SMYD4: variants seen among roughly 807,000 people sequenced by gnomAD.
The protein encoded by SMYD4 is SET and MYND domain containing 4.
SMYD4 carries 68 observed loss-of-function variants against 72.8 expected under a neutral mutation model. That is an observed-to-expected ratio of 0.93 (90% confidence interval 0.77 to 1.14). The LOEUF is 1.14. SMYD4 is among the 50% of genes most tolerant of loss of function. The pLI is 0.00. For synonymous variants in SMYD4, 407 were observed against 388.6 expected, an observed-to-expected ratio of 1.05 and a Z score of -0.56; for missense variants, 984 against 1,003.7, an observed-to-expected ratio of 0.98 and a Z score of 0.27.
intron 5 of SMYD4, among the ~76,000 whole-genome samples, chr17:1,795,388 C>A (rs922607864): frequency 6.6e-6 from 1 of 151,412 alleles, no homozygotes; most frequent in South Asian, 2.1e-4. Context: ...GGCTGTAGTA[C>A]AGTGGCACGA....
intron 2 of SMYD4, among the ~76,000 whole-genome samples, chr17:1,824,270 G>A (rs889978797): frequency 1.3e-5 from 2 of 152,152 alleles, no homozygotes; most frequent in African/African-American, 4.8e-5. Context: ...TTGAACCCAC[G>A]AGGCACAAGT....
chr17:1,781,787 C>T (rs1828406231), intron 10 of SMYD4: 1 of 182,168 alleles, frequency 5.5e-6, no homozygotes, highest in Non-Finnish European at 1.1e-5. Context: ...CCTGCCTCAA[C>T]CTCCTGGGCA....
intron 2 of SMYD4, among the ~76,000 whole-genome samples, chr17:1,827,590 G>A (rs555032919): frequency 1.5e-4 from 23 of 152,200 alleles, no homozygotes; most frequent in African/African-American, 5.3e-4. Context: ...CACAGGACAC[G>A]CTGGGATAGA....
chr17:1,819,075 G>A (rs956254103), intron 2 of SMYD4, among the ~76,000 whole-genome samples: 4 of 151,798 alleles, frequency 2.6e-5, no homozygotes, highest in African/African-American at 4.8e-5. Flanking sequence ...TTAAGAATAC[G>A]GCTGGGTGTG....
chr17:1,803,004 C>T (rs967015462), intron 4 of SMYD4, among the ~76,000 whole-genome samples: 2 of 152,084 alleles, frequency 1.3e-5, no homozygotes, highest in African/African-American at 2.4e-5. Flanking sequence ...ATTAGCCGGG[C>T]GTGGTGGTGC....
chr17:1,783,641 T>A, intron 8 of SMYD4, 165 bp from the exon 9 acceptor site: 2 of 1,232,758 alleles, frequency 1.6e-6, no homozygotes, highest in Non-Finnish European at 2.2e-6. Flanking sequence ...AAAGCTGCTG[T>A]TTTCTTCTGT....
chr17:1,784,408 G>A lies in SMYD4; in HGVS notation c.1938C>T (p.Ser646=). 1 of 1,614,228 alleles carries A rather than the reference G, an allele frequency of 6.2e-7. No homozygotes were observed. Among genetic ancestry groups the A allele is most frequent in the Non-Finnish European group, 8.5e-7 (1 of 1,180,044 alleles). ...GTAACCGAGAGACCAGGTGGTCCCT[G>A]CTGACGGCGGATTCTGCACAAGATC... ...GSRSCAESAV[S]RDHLVSRLQD... Residue 646 remains serine, a synonymous_variant, in exon 8 of 11, where the codon AGC becomes AGT. Coordinates refer to ENST00000305513, the MANE Select transcript of SMYD4 (RefSeq NM_052928.3).
At chr17:1,819,531 A>G (rs1910790060) in intron 2 of SMYD4, among the ~76,000 whole-genome samples, 1 of 152,100 alleles carries the variant, frequency 6.6e-6, no homozygotes, top group African/African-American at 2.4e-5. Flanking sequence ...TTGTACTTAA[A>G]TACTCTATAG....
At chr17:1,813,696 T>C (rs1168035868) in intron 2 of SMYD4, among the ~76,000 whole-genome samples, 1 of 152,092 alleles carries the variant, frequency 6.6e-6, no homozygotes. Flanking sequence ...ATCACAGGTG[T>C]GAGCCACTGT....
chr17:1,828,757 C>G (rs924215210), intron 1 of SMYD4, among the ~76,000 whole-genome samples: 7 of 151,888 alleles, frequency 4.6e-5, no homozygotes, highest in Admixed American at 4.6e-4. Context: ...CAACTACGCC[C>G]GGCTAATTTT....
At chr17:1,811,862 T>G in intron 3 of SMYD4, 109 bp downstream of exon 3, 1 of 1,218,710 alleles carries the variant, frequency 8.2e-7, no homozygotes. Flanking sequence ...AGGAGGCGAA[T>G]GTTGCAGTGA....
At chr17:1,804,369 G>A (rs1164098778) in intron 4 of SMYD4, 1 of 356,344 alleles carries the variant, frequency 2.8e-6, no homozygotes, top group African/African-American at 2.1e-5. Flanking sequence ...TAGAGACAGG[G>A]TTCCACTGTG....
At chr17:1,817,523 C>T (rs555195474) in intron 2 of SMYD4, among the ~76,000 whole-genome samples, 1 of 151,302 alleles carries the variant, frequency 6.6e-6, no homozygotes, top group East Asian at 2.0e-4. Context: ...TTTGTAGAGA[C>T]GGGGTCTCAC....
chr17:1,826,007 A>G (rs181317448), intron 2 of SMYD4, among the ~76,000 whole-genome samples: 8 of 152,256 alleles, frequency 5.3e-5, no homozygotes, highest in Non-Finnish European at 8.8e-5. Flanking sequence ...GTAAATGTAA[A>G]ACATTTACAT....
intron 2 of SMYD4, among the ~76,000 whole-genome samples, chr17:1,816,593 C>G (rs183697130): frequency 6.6e-6 from 1 of 150,620 alleles, no homozygotes; most frequent in Non-Finnish European, 1.5e-5. Flanking sequence ...GCACTCCACC[C>G]TGGGCGACAA....
Position 1,811,970 on chromosome 17 carries a change from C to G in SMYD4, c.279+1G>C. On this transcript the variant is annotated splice_donor_variant, in intron 3 of 10. Transcript: ENST00000305513. LOFTEE classifies it high-confidence loss of function. ...AATTGCTTGAGCTGGGAGTGTTTTACCTTAGAGTACAGCACTGCAGCTCCT... is the reference window on the plus strand; with the variant it reads ...AATTGCTTGAGCTGGGAGTGTTTTAGCTTAGAGTACAGCACTGCAGCTCCT... 8.7e-6 allele frequency: 14 copies of G among 1,611,458 alleles called. No individual in the cohort carries two copies. The highest frequency in any genetic ancestry group is 1.1e-5 in the South Asian group (1 of 90,442).
intron 5 of SMYD4, among the ~76,000 whole-genome samples, chr17:1,796,228 G>A (rs982733729): frequency 4.0e-5 from 6 of 150,872 alleles, no homozygotes; most frequent in South Asian, 2.1e-4. Flanking sequence ...CGAACTCTTC[G>A]GCTCAAGCAA....
At position 1,827,907 on chromosome 17, in the gene SMYD4, C is replaced by T. The variant is rs571962058; in HGVS notation, c.88G>A (p.Ala30Thr). 3.1e-6 allele frequency: 5 copies of T among 1,613,390 alleles called. No homozygotes were observed. The East Asian group carries it at 1.1e-4, about 36-fold the overall frequency. Residue 30 changes from alanine to threonine, a missense_variant, in exon 2 of 11, where the codon GCA becomes ACA. By Grantham distance (58) the Ala-to-Thr change is moderately conservative. Transcript: ENST00000305513. ...AGAAAGATATCCCTCAAGGTCTCTG[C>T]TGTAGAAATTGTGACCTGAACAGAC... is the stretch of plus-strand genomic sequence containing the variant. The part of the protein sequence containing the change: ...PTSVQVTIST[A>T]ETLRDIFLHS...
At chr17:1,807,039 C>T (rs917126209) in intron 3 of SMYD4, among the ~76,000 whole-genome samples, 7 of 151,880 alleles carry the variant, frequency 4.6e-5, no homozygotes, top group South Asian at 2.1e-4. Context: ...TACAGGCACA[C>T]GCCACCATGC....
Sources: allele counts gnomAD v4.1 joint callset (sites outside exome capture counted in the v4.1 genomes callset), GRCh38; gene constraint gnomAD v4.1.1; transcripts MANE v1.5; gene names NCBI Gene and HGNC (gene_info 2026-07-23, HGNC 2026-07-21).